Variants in JAZF1 observed in about 807,000 individuals in gnomAD.
The protein encoded by JAZF1 is juxtaposed with another zinc finger protein 1.
In JAZF1, 8 loss-of-function variants were observed where a neutral mutation model predicts 26.4. That is an observed-to-expected ratio of 0.30 (90% CI 0.18 to 0.55). The LOEUF is 0.55. JAZF1 is among the 20% of genes least tolerant of loss of function. The pLI is 0.94. For synonymous variants in JAZF1, 126 were observed against 122.3 expected (o/e 1.03, Z -0.20); for missense variants, 199 against 322.0 (o/e 0.62, Z 2.92).
intron 1 of JAZF1, among the ~76,000 whole-genome samples, chr7:28,007,029 C>G (rs960627352): frequency 6.6e-6 from 1 of 152,166 alleles, no homozygotes; most frequent in East Asian, 1.9e-4. Context: ...TTTCCAGGCA[C>G]CCCACCTTGC....
intron 3 of JAZF1, among the ~76,000 whole-genome samples, chr7:27,876,614 A>G (rs1783684986): frequency 6.6e-6 from 1 of 152,214 alleles, no homozygotes; most frequent in Admixed American, 6.5e-5. Flanking sequence ...GTCAAGTATT[A>G]AACTGCTTTT....
intron 3 of JAZF1, among the ~76,000 whole-genome samples, 178 bp downstream of exon 3, chr7:27,895,042 A>G (rs993455310): frequency 2.0e-5 from 3 of 152,220 alleles, no homozygotes; most frequent in Admixed American, 6.5e-5. Flanking sequence ...TAATCTATAA[A>G]TATTTCTTCA....
intron 3 of JAZF1, among the ~76,000 whole-genome samples, chr7:27,847,941 T>C (rs1394250037): frequency 2.0e-5 from 3 of 152,188 alleles, no homozygotes; most frequent in African/African-American, 7.2e-5. Context: ...GTCCTGGGAT[T>C]ACAGCATGAG....
At chr7:28,129,241 T>C (rs1163414143) in intron 1 of JAZF1, among the ~76,000 whole-genome samples, 1 of 152,064 alleles carries the variant, frequency 6.6e-6, no homozygotes, top group East Asian at 1.9e-4. Flanking sequence ...AAAATGGATA[T>C]TATGCAGGTG....
At chr7:28,023,133 C>T (rs1209487830) in intron 1 of JAZF1, among the ~76,000 whole-genome samples, 1 of 152,174 alleles carries the variant, frequency 6.6e-6, no homozygotes, top group Non-Finnish European at 1.5e-5. Context: ...GAGGTTCACA[C>T]CTAGATGAGA....
At chr7:28,037,730 TTG>T (rs1783317612) in intron 1 of JAZF1, among the ~76,000 whole-genome samples, 1 of 152,218 alleles carries the variant, frequency 6.6e-6, no homozygotes, top group Non-Finnish European at 1.5e-5. Context: ...ATTCACAGGA[TTG>T]TTCCATATCC....
chr7:28,045,995 T>C (rs1036906850), intron 1 of JAZF1, among the ~76,000 whole-genome samples: 4 of 152,178 alleles, frequency 2.6e-5, no homozygotes, highest in Admixed American at 6.5e-5. Flanking sequence ...AAGTGTAAAG[T>C]TAAAAAGTGA....
chr7:28,031,915 T>G (rs1783199956), intron 1 of JAZF1, among the ~76,000 whole-genome samples: 1 of 152,154 alleles, frequency 6.6e-6, no homozygotes, highest in Non-Finnish European at 1.5e-5. Context: ...GCTTCTTTTC[T>G]CTGATAAAGA....
At chr7:27,860,699 C>T (rs754273176) in intron 3 of JAZF1, among the ~76,000 whole-genome samples, 18 of 152,306 alleles carry the variant, frequency 1.2e-4, no homozygotes, top group Middle Eastern at 3.4e-3. Context: ...AAAGCTCCTC[C>T]GTGGGGTGCA....
chr7:28,136,387 A>C (rs1411486120), intron 1 of JAZF1, among the ~76,000 whole-genome samples: 2 of 152,222 alleles, frequency 1.3e-5, no homozygotes, highest in African/African-American at 4.8e-5. Flanking sequence ...GATTTCATAA[A>C]TGGAAAATTC....
intron 1 of JAZF1, among the ~76,000 whole-genome samples, chr7:28,142,133 T>A (rs1782967957): frequency 6.6e-6 from 1 of 152,190 alleles, no homozygotes. Context: ...TGTTCAAGCA[T>A]TTTTTCCCTC....
intron 1 of JAZF1, among the ~76,000 whole-genome samples, chr7:28,036,254 G>C (rs886064880): frequency 2.0e-5 from 3 of 152,144 alleles, no homozygotes; most frequent in Non-Finnish European, 4.4e-5. Flanking sequence ...CAGCAGCCCT[G>C]CCTAGAATAA....
At chr7:28,170,095 C>T (rs1783430926) in intron 1 of JAZF1, among the ~76,000 whole-genome samples, 1 of 151,578 alleles carries the variant, frequency 6.6e-6, no homozygotes, top group South Asian at 2.1e-4. Flanking sequence ...AGTTGGGCCC[C>T]ATATGTACCA....
At chr7:28,012,392 T>C (rs1782813275) in intron 1 of JAZF1, among the ~76,000 whole-genome samples, 1 of 152,176 alleles carries the variant, frequency 6.6e-6, no homozygotes. Flanking sequence ...GAATCAAAAA[T>C]GGAGGGACTC....
chr7:28,176,409 C>G (rs1264180830), intron 1 of JAZF1, among the ~76,000 whole-genome samples: 2 of 152,232 alleles, frequency 1.3e-5, no homozygotes, highest in Non-Finnish European at 2.9e-5. Context: ...GACTAACTCT[C>G]ACACCTCCTT....
intron 2 of JAZF1, among the ~76,000 whole-genome samples, chr7:27,949,080 C>G (rs548516955): frequency 9.3e-4 from 142 of 152,170 alleles, no homozygotes; most frequent in Non-Finnish European, 1.7e-3. Context: ...ATCAGTTACA[C>G]CCTTTGCATC....
In JAZF1 at chr7:27,833,719, T is replaced by A. The variant is rs117963991; in HGVS notation, c.556-743A>T. 5.0e-3 allele frequency among the ~76,000 whole-genome samples: 763 copies of A among 152,368 alleles called. 9 individuals are homozygous for A. The highest frequency in any genetic ancestry group is 0.017 in the African/African-American group (698 of 41,584). ...AAGATTGGACTTCTTAGCATCTGGATACTAAAGTTATCAAAATGCTTTCTA... is the reference window on the plus strand; with the variant it reads ...AAGATTGGACTTCTTAGCATCTGGAAACTAAAGTTATCAAAATGCTTTCTA... On this transcript the variant is annotated intron_variant, in intron 4 of 4. Coordinates refer to ENST00000283928, the MANE Select transcript of JAZF1 (RefSeq NM_175061.4).
At chr7:27,919,616 T>C (rs2084459943) in intron 2 of JAZF1, among the ~76,000 whole-genome samples, 2 of 152,088 alleles carry the variant, frequency 1.3e-5, no homozygotes, top group African/African-American at 4.8e-5. Context: ...TTATAATCAA[T>C]ACAATAGTGC....
At chr7:28,062,621 C>A (rs1388555794) in intron 1 of JAZF1, among the ~76,000 whole-genome samples, 4 of 152,022 alleles carry the variant, frequency 2.6e-5, no homozygotes, top group Non-Finnish European at 5.9e-5. Flanking sequence ...TGCCCCAAAG[C>A]CAGCAAACTT....
Sources: gnomAD v4.1 joint callset for allele counts (sites outside exome capture counted in the v4.1 genomes callset) on GRCh38, gnomAD v4.1.1 for gene constraint, MANE v1.5 for transcripts, NCBI Gene and HGNC (gene_info 2026-07-23, HGNC 2026-07-21) for gene names.